SGCZ: variants seen among roughly 807,000 people sequenced by gnomAD.
SGCZ encodes the protein zeta-sarcoglycan.
Under a neutral mutation model 41.3 loss-of-function variants are expected in SGCZ, and 40 were observed. The observed-to-expected ratio is 0.97, with a 90% confidence interval of 0.75 to 1.26. SGCZ has a LOEUF of 1.26. Among genes scored for constraint, SGCZ ranks in the 50% most tolerant of loss-of-function variants. SGCZ has a pLI of 0.00. For synonymous variants in SGCZ, 206 were observed against 137.5 expected, an observed-to-expected ratio of 1.50 and a Z score of -3.49; for missense variants, 552 against 369.8, an observed-to-expected ratio of 1.49 and a Z score of -4.04.
intron 1 of SGCZ, among the ~76,000 whole-genome samples, chr8:14,909,692 A>G (rs1799227760): frequency 6.6e-6 from 1 of 152,100 alleles, no homozygotes; most frequent in Non-Finnish European, 1.5e-5. Flanking sequence ...CATAGTTCTA[A>G]CCAATAACTC....
intron 2 of SGCZ, among the ~76,000 whole-genome samples, chr8:14,475,407 T>TA (rs1460652854): frequency 2.0e-5 from 3 of 152,274 alleles, no homozygotes; most frequent in African/African-American, 7.2e-5. Flanking sequence ...TTATTAACTA[T>TA]AAAAAGGTTT....
At chr8:15,106,239 C>T (rs1380283356) in intron 1 of SGCZ, among the ~76,000 whole-genome samples, 1 of 152,002 alleles carries the variant, frequency 6.6e-6, no homozygotes, top group Non-Finnish European at 1.5e-5. Flanking sequence ...CTATTAGCAA[C>T]TTATTAGTTG....
intron 1 of SGCZ, among the ~76,000 whole-genome samples, chr8:14,932,293 C>T (rs970192575): frequency 6.6e-6 from 1 of 151,856 alleles, no homozygotes; most frequent in Non-Finnish European, 1.5e-5. Context: ...TATAAAACTT[C>T]TCGATTTCTT....
chr8:15,041,605 C>G (rs1804099408), intron 1 of SGCZ, among the ~76,000 whole-genome samples: 2 of 151,958 alleles, frequency 1.3e-5, no homozygotes, highest in African/African-American at 4.8e-5. Flanking sequence ...GTATTTGTTG[C>G]AGAGAAATGC....
intron 1 of SGCZ, among the ~76,000 whole-genome samples, chr8:15,012,619 TTA>T (rs1482828378): frequency 9.0e-6 from 1 of 111,190 alleles, no homozygotes; most frequent in Non-Finnish European, 1.8e-5. Flanking sequence ...ACATATATGT[TTA>T]TATAATATAT....
chr8:15,193,884 G>A (rs1800624551), intron 1 of SGCZ, among the ~76,000 whole-genome samples: 1 of 152,036 alleles, frequency 6.6e-6, no homozygotes, highest in African/African-American at 2.4e-5. Context: ...TCATTTTGAG[G>A]CAAAATACGA....
At chr8:14,236,840 A>G (rs1464903814) in intron 4 of SGCZ, among the ~76,000 whole-genome samples, 3 of 151,688 alleles carry the variant, frequency 2.0e-5, no homozygotes, top group Non-Finnish European at 4.4e-5. Context: ...AAATTGAGTC[A>G]AGGAATCAAT....
At chr8:14,474,543 G>A (rs577657335) in intron 2 of SGCZ, among the ~76,000 whole-genome samples, 1 of 152,102 alleles carries the variant, frequency 6.6e-6, no homozygotes, top group Non-Finnish European at 1.5e-5. Context: ...GTTTTACTTT[G>A]TAGAGCGCTC....
At chr8:14,767,275 A>AGTAGG (rs1800066964) in intron 1 of SGCZ, among the ~76,000 whole-genome samples, 1 of 152,218 alleles carries the variant, frequency 6.6e-6, no homozygotes, top group South Asian at 2.1e-4. Flanking sequence ...GGAAGCCCAG[A>AGTAGG]GTAGGTGACT....
chr8:14,199,304 T>A (rs1215313497), intron 4 of SGCZ, among the ~76,000 whole-genome samples: 12 of 152,196 alleles, frequency 7.9e-5, no homozygotes, highest in Admixed American at 6.5e-5. Flanking sequence ...CCAAGCTTAT[T>A]AGGACAAGGA....
chr8:14,354,264 T>G (rs758711878), intron 2 of SGCZ, among the ~76,000 whole-genome samples: 1 of 151,986 alleles, frequency 6.6e-6, no homozygotes, highest in Non-Finnish European at 1.5e-5. Flanking sequence ...AATGACTGAT[T>G]AGTCAGTACT....
At chr8:14,693,293 C>CT (rs10639083) in intron 1 of SGCZ, among the ~76,000 whole-genome samples, 97,859 of 146,220 alleles carry the variant, frequency 0.67, 33,086 homozygotes, top group African/African-American at 0.75. Flanking sequence ...AATTGAATAC[C>CT]TTTTTTTTTT....
intron 2 of SGCZ, among the ~76,000 whole-genome samples, chr8:14,532,408 C>T (rs1803160368): frequency 6.6e-6 from 1 of 151,936 alleles, no homozygotes; most frequent in Non-Finnish European, 1.5e-5. Flanking sequence ...TAACAGAATT[C>T]CTCCCTGTGT....
intron 1 of SGCZ, among the ~76,000 whole-genome samples, chr8:14,762,635 G>A (rs1055478973): frequency 2.0e-5 from 3 of 151,926 alleles, no homozygotes; most frequent in African/African-American, 7.2e-5. Flanking sequence ...AAAGCAAAAT[G>A]ACAACATGAA....
At chr8:14,252,526 C>T (rs904857037) in intron 3 of SGCZ, among the ~76,000 whole-genome samples, 10 of 151,958 alleles carry the variant, frequency 6.6e-5, no homozygotes, top group Non-Finnish European at 1.3e-4. Flanking sequence ...TTTCTGATAG[C>T]CTTTTTGATT....
chr8:14,770,810 T>C (rs1800211007), intron 1 of SGCZ, among the ~76,000 whole-genome samples: 1 of 152,026 alleles, frequency 6.6e-6, no homozygotes, highest in Non-Finnish European at 1.5e-5. Context: ...CAAAAAGTGC[T>C]CTCTTAAAGG....
intron 5 of SGCZ, among the ~76,000 whole-genome samples, chr8:14,163,456 C>T (rs1370856141): frequency 6.6e-6 from 1 of 151,990 alleles, no homozygotes; most frequent in Non-Finnish European, 1.5e-5. Flanking sequence ...TTTAATACAC[C>T]TTTCTTGAAA....
rs536074721 is a variant in SGCZ at position 14,126,939 on chromosome 8, G to A, written c.548-18704C>T. 9.5e-4 allele frequency among the ~76,000 whole-genome samples: 145 copies of A among 152,118 alleles called. 1 individual carries two copies. Among genetic ancestry groups the A allele is most frequent in the African/African-American group, 3.4e-3 (139 of 41,478 alleles). On this transcript the variant is annotated intron_variant, in intron 5 of 7. Transcript: ENST00000382080. ...TGGGAGCTGAACAATGAGAACACAT[G>A]GACACAGGGAGGGGGACAACACACA... is the stretch of plus-strand genomic sequence containing the variant.
intron 3 of SGCZ, among the ~76,000 whole-genome samples, chr8:14,252,873 C>T (rs995795698): frequency 9.9e-5 from 15 of 152,156 alleles, no homozygotes. Flanking sequence ...CTGAAATTTA[C>T]TTCACCATAC....
Sources: gnomAD v4.1 joint callset for allele counts (sites outside exome capture counted in the v4.1 genomes callset) on GRCh38, gnomAD v4.1.1 for gene constraint, MANE v1.5 for transcripts, NCBI Gene and HGNC (gene_info 2026-07-23, HGNC 2026-07-21) for gene names.